The following C3 variants were observed in gnomAD, a reference collection of about 807,000 sequenced individuals.
C3 encodes complement C3.
C3 carries 97 observed loss-of-function variants against 207.9 expected under a neutral mutation model. The ratio of observed to expected loss-of-function variants is 0.47; its 90% CI spans 0.40 to 0.55. The LOEUF is 0.55. Ranked by LOEUF, C3 falls within the 20% of genes least tolerant of loss-of-function variation. The pLI is 0.00. For missense variants in C3, 1,684 were observed against 2,171.7 expected (o/e 0.78, Z 4.46); for synonymous variants, 848 against 857.6 (o/e 0.99, Z 0.20).
At chr19:6,680,290 G>T (rs951466476) in intron 35 of C3, 27 bp from the exon 36 acceptor site, 1 of 1,185,616 alleles carries the variant, frequency 8.4e-7, no homozygotes, top group Non-Finnish European at 1.3e-6. Context: ...AGCTTGGTCA[G>T]TGGGGTGATG....
Position 6,679,263 on chromosome 19 carries a change from T to C in C3, c.4547-55A>G. 1 of 1,521,314 alleles carries C rather than the reference T, an allele frequency of 6.6e-7. No individual in the cohort carries two copies. Among genetic ancestry groups the C allele is most frequent in the Non-Finnish European group, 9.1e-7 (1 of 1,095,358 alleles). 94.2% of individuals were successfully genotyped at this position (1,521,314 alleles called of 1,614,324 possible). A position where few individuals can be genotyped will look rare whatever the true frequency, so the allele number is the denominator to read the frequency against. On this transcript the variant is annotated intron_variant, in intron 37 of 40. Transcript: ENST00000245907. The stretch of plus-strand genomic sequence containing the variant: ...GTCCCACTCCTTATCTGGGGCCTAC[T>C]GCCCATGGGTGTGGCCAGCCCTGGG...
chr19:6,696,489 G>A (rs1426524598), intron 22 of C3, 24 bp from the exon 23 acceptor site: 14 of 1,599,604 alleles, frequency 8.8e-6, no homozygotes, highest in African/African-American at 1.3e-5. Context: ...GAGAGATACC[G>A]ATGGCTCTAG....
Position 6,687,036 on chromosome 19 carries a change from T to C in C3, c.3490-134A>G. The C allele has an allele frequency of 3.1e-6, 3 of 959,908 alleles. No individual in the cohort carries two copies. The South Asian group carries it at 4.2e-5, about 13-fold the overall frequency. The allele number at this position is 959,908 out of a possible 1,614,324, so 59.5% of individuals were successfully genotyped here. ...ACACCTGTCTTAGATTTGTCCATTT[T>C]TGAGAATTTCCCAGATATTTTAGCC... On this transcript the variant is annotated intron_variant, in intron 27 of 40. Coordinates refer to ENST00000245907, the MANE Select transcript of C3 (RefSeq NM_000064.4).
rs770932217 is a variant in C3 at position 6,707,459 on chromosome 19, C to T, written c.2047+7G>A. ...CGGGGGCAGGAGTGGGTAGGAAAGG[C>T]TCCCACCTTTGTCCATTCGCTTCTC... On this transcript the variant is annotated splice_region_variant and intron_variant, in intron 16 of 40. Transcript: ENST00000245907. 139 of 1,613,574 alleles carry T rather than the reference C, an allele frequency of 8.6e-5. No homozygotes were observed. Among genetic ancestry groups the T allele is most frequent in the Admixed American group, 3.3e-4 (20 of 59,994 alleles).
chr19:6,713,522 C>A lies in C3; in HGVS notation c.774-13G>T. The stretch of plus-strand genomic sequence containing the variant: ...CCCGTAGAGGAACCTACGGGACAGA[C>A]AAGGAGGGCTTCAGGTCCATCCCTC... On this transcript the variant is annotated splice_polypyrimidine_tract_variant and intron_variant, in intron 7 of 40. Coordinates refer to ENST00000245907, the MANE Select transcript of C3 (RefSeq NM_000064.4). 1 of 1,594,526 alleles carries A rather than the reference C, an allele frequency of 6.3e-7. No homozygotes were observed. Among genetic ancestry groups the A allele is most frequent in the African/African-American group, 1.3e-5 (1 of 74,606 alleles).
chr19:6,693,968 T>G, intron 24 of C3, among the ~76,000 whole-genome samples: 6 of 130,678 alleles, frequency 4.6e-5, no homozygotes, highest in South Asian at 2.4e-4. Context: ...TGAGAAGAGG[T>G]GGGAGGCCCT....
chr19:6,686,835 G>A lies in C3; in HGVS notation c.3557C>T (p.Ser1186Phe), dbSNP rs1918020950. The A allele has an allele frequency of 6.2e-7, 1 of 1,613,650 alleles. No homozygotes were observed. Among genetic ancestry groups the A allele is most frequent in the Non-Finnish European group, 8.5e-7 (1 of 1,179,612 alleles). Residue 1186 changes from serine to phenylalanine, a missense_variant, in exon 28 of 41, where the codon TCC (serine) becomes TTC (phenylalanine). Transcript: ENST00000245907. The part of the protein sequence containing the change: ...LEANYMNLQR[S>F]YTVAIAGYAL... ...ATAGCCAGCAATGGCCACAGTGTAG[G>A]ATCTCTGTAGGTTCATGTAGTTGGC...
At chr19:6,718,435 CAG>C in intron 2 of C3, 23 bp from the exon 3 acceptor site, 1 of 1,614,080 alleles carries the variant, frequency 6.2e-7, no homozygotes, top group Non-Finnish European at 8.5e-7. Context: ...AGGGCATTGT[CAG>C]GGGTCTGTTC....
intron 10 of C3, 36 bp downstream of exon 10, chr19:6,712,468 CGAAG>C (rs1198320461): frequency 6.2e-7 from 1 of 1,613,928 alleles, no homozygotes; most frequent in Non-Finnish European, 8.5e-7. Context: ...CCGGTGTCCC[CGAAG>C]GGAGGAGTGG....
Position 6,719,132 on chromosome 19 carries a change from A to G in C3, c.267+79T>C. The G allele has an allele frequency of 8.0e-7, 1 of 1,257,596 alleles. No homozygotes were observed. The highest frequency in any genetic ancestry group is 1.2e-6 in the Non-Finnish European group (1 of 861,738). The allele number at this position is 1,257,596 out of a possible 1,614,324, so 77.9% of individuals were successfully genotyped here. On this transcript the variant is annotated intron_variant, in intron 2 of 40. Transcript: ENST00000245907. This position sits in a 1 kb window ranked among gnomAD's most constrained non-coding sequence, Gnocchi z 5.4. ...CAGGGCTTAGAAAGGGAGAAGACAG[A>G]AGGGGAGGGGCTCAGGAGGAGGGGG...
rs112584257 is a variant in C3, at chr19:6,679,405, A to T, written c.4546+2T>A. The stretch of plus-strand genomic sequence containing the variant: ...ACCTGTTCCCGGCTCCAGGGAACTC[A>T]CCCTCAGCACAGCGGCACAGTTCAT... On this transcript the variant is annotated splice_donor_variant, in intron 37 of 40. Transcript: ENST00000245907. LOFTEE classifies it high-confidence loss of function. 6.2e-7 allele frequency: 1 copy of T among 1,611,326 alleles called. No individual in the cohort carries two copies. Among genetic ancestry groups the T allele is most frequent in the African/African-American group, 1.3e-5 (1 of 74,940 alleles).
chr19:6,716,435 T>C, intron 4 of C3: 1 of 152,318 alleles, frequency 6.6e-6, no homozygotes. Flanking sequence ...AGGGTCTGGC[T>C]GTGTTGCCCA....
chr19:6,696,573 T>G lies in C3; in HGVS notation c.2863+20A>C. On this transcript the variant is annotated intron_variant, in intron 22 of 40. Transcript: ENST00000245907. ...CTTACCCTGCCAGCCCCTCAGCCCC[T>G]CCCCCTGCAGCCGACTCACCACGGC... 1 of 1,609,446 alleles carries G rather than the reference T, an allele frequency of 6.2e-7. No individual in the cohort carries two copies. Among genetic ancestry groups the G allele is most frequent in the Non-Finnish European group, 8.5e-7 (1 of 1,176,180 alleles).
At chr19:6,712,192 G>A in intron 11 of C3, 65 bp downstream of exon 11, 1 of 1,595,036 alleles carries the variant, frequency 6.3e-7, no homozygotes, top group South Asian at 1.1e-5. Context: ...ACCCCACTGT[G>A]CAAACACCAG....
At chr19:6,688,874 C>G (rs575611221) in intron 27 of C3, among the ~76,000 whole-genome samples, 25 of 152,306 alleles carry the variant, frequency 1.6e-4, no homozygotes, top group Admixed American at 1.2e-3. Context: ...CTGTCCTTAG[C>G]TGATTGGTCC....
rs1478001477 is a variant in C3 at position 6,696,398 on chromosome 19, C to T, written c.2931G>A (p.Glu977=). Residue 977 remains glutamate (E), a synonymous_variant, in exon 23 of 41, where the codon GAG becomes GAA. Transcript: ENST00000245907. ...LSDQVPDTES[E]TRILLQGTPV... Reference sequence around the variant, plus strand: ...TCTCACCTTGCAGGAGAATTCTGGTCTCAGACTCGGTGTCCGGGACTTGGT... The same window carrying T: ...TCTCACCTTGCAGGAGAATTCTGGTTTCAGACTCGGTGTCCGGGACTTGGT... The T allele has an allele frequency of 9.3e-6, 15 of 1,612,574 alleles. No individual in the cohort carries two copies. The Admixed American group carries it at 2.3e-4, about 25-fold the overall frequency.
At chr19:6,717,448 A>G in intron 4 of C3, 1 of 175,224 alleles carries the variant, frequency 5.7e-6, no homozygotes, top group Non-Finnish European at 1.2e-5. Context: ...CATATGGTGT[A>G]TTGTGTGGTT....
At chr19:6,707,313 G>A (rs530733894) in intron 16 of C3, 40 bp from the exon 17 acceptor site, 4 of 1,600,346 alleles carry the variant, frequency 2.5e-6, no homozygotes, top group Admixed American at 1.7e-5. Context: ...ACCCTCAGCC[G>A]GGGGCCGGCA....
chr19:6,700,244 T>C (rs1241382215), intron 19 of C3, among the ~76,000 whole-genome samples: 3 of 135,910 alleles, frequency 2.2e-5, no homozygotes, highest in Non-Finnish European at 3.0e-5. Context: ...TAATATACAA[T>C]ATATAATATA....
Sources: allele counts gnomAD v4.1 joint callset (sites outside exome capture counted in the v4.1 genomes callset), GRCh38; gene constraint gnomAD v4.1.1; non-coding constraint Gnocchi (gnomAD v3.1); transcripts MANE v1.5; gene names NCBI Gene and HGNC (gene_info 2026-07-23, HGNC 2026-07-21).